The following CLASP1 variants were observed in gnomAD, a reference collection of about 807,000 sequenced individuals.
CLASP1 encodes CLIP-associating protein 1.
CLASP1 carries 38 observed loss-of-function variants against 192.3 expected under a neutral mutation model. The ratio of observed to expected loss-of-function variants is 0.20; its 90% CI spans 0.15 to 0.26. The LOEUF is 0.26. Among genes scored for constraint, CLASP1 ranks in the 10% least tolerant of loss-of-function variants. The probability of loss-of-function intolerance (pLI) is 1.00; values close to 1 mark genes in which losing one functional copy is unlikely to be tolerated. For missense variants in CLASP1, 1,433 were observed against 1,932.5 expected (o/e 0.74, Z 4.85); for synonymous variants, 691 against 712.8 (o/e 0.97, Z 0.49).
chr2:121,450,648 C>G lies in CLASP1; in HGVS notation c.1523+265G>C, dbSNP rs563009486. ...AAGAATACATTGAGCATGTATACAA[C>G]TGCCTTCCAGAGCTATGTGATAATT... On this transcript the variant is annotated intron_variant, in intron 16 of 39. Transcript: ENST00000263710. Among the ~76,000 whole-genome samples the G allele has an allele frequency of 3.3e-5, 5 of 152,278 alleles. No individual in the cohort carries two copies. In the South Asian group the frequency reaches 1.0e-3, roughly 32 times the overall value.
chr2:121,611,024 A>G (rs1250782923), intron 1 of CLASP1, among the ~76,000 whole-genome samples: 1 of 145,392 alleles, frequency 6.9e-6, no homozygotes, highest in Non-Finnish European at 1.5e-5. Context: ...CAGGAGGAAG[A>G]GGAACTGGAG....
intron 2 of CLASP1, among the ~76,000 whole-genome samples, chr2:121,578,175 C>T (rs2060727191): frequency 6.6e-6 from 1 of 151,850 alleles, no homozygotes; most frequent in South Asian, 2.1e-4. Context: ...TCACGCAATC[C>T]GCCCACCTCG....
chr2:121,405,268 T>C (rs943555824), intron 25 of CLASP1, among the ~76,000 whole-genome samples: 7 of 152,120 alleles, frequency 4.6e-5, no homozygotes, highest in African/African-American at 1.2e-4. Context: ...AAGATCACAC[T>C]ATTGCACTTC....
chr2:121,368,961 C>A (rs1033390264), intron 34 of CLASP1, among the ~76,000 whole-genome samples: 1 of 152,168 alleles, frequency 6.6e-6, no homozygotes, highest in African/African-American at 2.4e-5. Context: ...CAACAAAAAC[C>A]CTGCATCCTC....
intron 34 of CLASP1, among the ~76,000 whole-genome samples, chr2:121,372,109 T>C (rs1271611278): frequency 3.3e-5 from 5 of 152,228 alleles, no homozygotes; most frequent in African/African-American, 1.2e-4. Context: ...CATCAAAACA[T>C]TGGCAAGTAA....
chr2:121,351,977 CT>C (rs1311046747), intron 37 of CLASP1, among the ~76,000 whole-genome samples: 2 of 152,240 alleles, frequency 1.3e-5, no homozygotes, highest in South Asian at 2.1e-4. Context: ...AGAGACTGAG[CT>C]CAAAGCTCAG....
At chr2:121,539,617 C>A (rs2095183355) in intron 2 of CLASP1, among the ~76,000 whole-genome samples, 1 of 152,100 alleles carries the variant, frequency 6.6e-6, no homozygotes, top group Admixed American at 6.5e-5. Context: ...CCATAAAGGA[C>A]AAGATTGATG....
At chr2:121,642,592 C>T (rs1244969810) in intron 1 of CLASP1, among the ~76,000 whole-genome samples, 1 of 148,022 alleles carries the variant, frequency 6.8e-6, no homozygotes. Flanking sequence ...ATGAGCCGGG[C>T]GTGGTGGCGC....
At chr2:121,512,415 T>C (rs2094164850) in intron 7 of CLASP1, among the ~76,000 whole-genome samples, 1 of 152,238 alleles carries the variant, frequency 6.6e-6, no homozygotes, top group South Asian at 2.1e-4. Context: ...TGATATCTTA[T>C]GATGGCTAGA....
At chr2:121,552,064 C>T (rs13419743) in intron 2 of CLASP1, among the ~76,000 whole-genome samples, 37,765 of 152,054 alleles carry the variant, frequency 0.25, 7,421 homozygotes, top group African/African-American at 0.54. Context: ...TGATCTTCAA[C>T]AAGCTGACAG....
intron 2 of CLASP1, among the ~76,000 whole-genome samples, chr2:121,582,321 G>A (rs1246752329): frequency 6.7e-6 from 1 of 149,850 alleles, no homozygotes; most frequent in Non-Finnish European, 1.5e-5. Flanking sequence ...GAGAGAAAGA[G>A]AAAGGGAGAG....
intron 2 of CLASP1, among the ~76,000 whole-genome samples, chr2:121,594,539 C>A (rs990988236): frequency 1.3e-5 from 2 of 151,438 alleles, no homozygotes; most frequent in African/African-American, 4.9e-5. Flanking sequence ...ACTACAGGCA[C>A]CCGATACCAC....
chr2:121,430,131 G>A (rs375432160), exon 20 of CLASP1: 23 of 1,578,116 alleles, frequency 1.5e-5, no homozygotes, highest in Admixed American at 1.8e-5. Context: ...GTGTAGAGGC[G>A]ACGTTGGTGG....
chr2:121,629,401 TA>T lies in CLASP1; in HGVS notation c.-286+19970del, dbSNP rs537094594. On this transcript the variant is annotated intron_variant, in intron 1 of 39. Transcript: ENST00000263710. The stretch of plus-strand genomic sequence containing the variant: ...CGAGACTCCATCTCAAAAAAATATA[TA>T]AAAAATAAAAAATAAATAAATAAAT... Among the ~76,000 whole-genome samples, 311 of 150,314 alleles carry T rather than the reference TA, an allele frequency of 2.1e-3. 1 individual carries two copies. Among genetic ancestry groups the T allele is most frequent in the African/African-American group, 6.1e-3 (248 of 40,952 alleles).
chr2:121,409,183 G>A (rs2077335632), intron 24 of CLASP1: 17 of 667,916 alleles, frequency 2.5e-5, no homozygotes, highest in South Asian at 1.6e-4. Flanking sequence ...GTTAGCAAGC[G>A]TTTCATATCA....
chr2:121,478,645 C>CCACACACACACACA, intron 8 of CLASP1, among the ~76,000 whole-genome samples: 1 of 84,438 alleles, frequency 1.2e-5, no homozygotes, highest in Admixed American at 1.0e-4. Context: ...ACACACACAC[C>CCACACACACACACA]CCCCACACAC....
At chr2:121,471,874 T>C (rs1446176274) in intron 8 of CLASP1, among the ~76,000 whole-genome samples, 1 of 152,172 alleles carries the variant, frequency 6.6e-6, no homozygotes, top group Non-Finnish European at 1.5e-5. Context: ...ATTCAGAAAG[T>C]GGTTCATAAT....
Position 121,644,965 on chromosome 2 carries a change from AC to A in CLASP1, c.-286+4406del, listed in dbSNP as rs1243003119. On this transcript the variant is annotated intron_variant, in intron 1 of 39. Coordinates refer to ENST00000263710, the Ensembl canonical transcript of CLASP1. ...AGAGCAAAACTGTCTCAAAAAAAAAACAAAAAAAAAAAAAACAAGAGTTGCC... is the reference window on the plus strand; with the variant it reads ...AGAGCAAAACTGTCTCAAAAAAAAAAAAAAAAAAAAAAAACAAGAGTTGCC... Among the ~76,000 whole-genome samples the A allele has an allele frequency of 2.6e-5, 4 of 151,020 alleles. No homozygotes were observed. The East Asian group carries it at 5.8e-4, about 22-fold the overall frequency.
At chr2:121,604,784 G>A (rs1431431189) in intron 2 of CLASP1, among the ~76,000 whole-genome samples, 2 of 152,240 alleles carry the variant, frequency 1.3e-5, no homozygotes, top group African/African-American at 4.8e-5. Context: ...AAGGAGTCCT[G>A]TGACTTTTTA....
Sources: allele counts gnomAD v4.1 joint callset (sites outside exome capture counted in the v4.1 genomes callset), GRCh38; gene constraint gnomAD v4.1.1; transcripts MANE v1.5; gene names NCBI Gene and HGNC (gene_info 2026-07-23, HGNC 2026-07-21).